The following C6orf89 variants were observed in gnomAD, a reference collection of about 807,000 sequenced individuals.
The protein encoded by C6orf89 is chromosome 6 open reading frame 89.
In C6orf89, 29 loss-of-function variants were observed where a neutral mutation model predicts 40.7. That is an observed-to-expected ratio of 0.71 (90% confidence interval 0.53 to 0.97). C6orf89 has a LOEUF of 0.97. C6orf89 is among the 50% of genes least tolerant of loss of function. The pLI, the probability that C6orf89 is intolerant of heterozygous loss-of-function variation, is 0.00. For synonymous variants in C6orf89, 165 were observed against 152.2 expected (o/e 1.08, Z -0.62); for missense variants, 392 against 429.1 (o/e 0.91, Z 0.76).
At position 36,925,006 on chromosome 6, in the gene C6orf89, A is replaced by T. The variant is rs1207437685; in HGVS notation, c.*1565A>T. ...AGAGTTCACAGAGCTCAGGATAGAA[A>T]CATCAGAGCCTCCTCCACGGGCTTC... On this transcript the variant is annotated 3_prime_UTR_variant, in exon 9 of 9. Transcript: ENST00000480824. 1.3e-5 allele frequency: 2 copies of T among 152,198 alleles called. No individual in the cohort carries two copies. The highest frequency in any genetic ancestry group is 4.8e-5 in the African/African-American group (2 of 41,432). The allele number at this position is 152,198 out of a possible 1,614,324, so 9.4% of individuals were successfully genotyped here.
At chr6:36,910,705 C>T (rs976110583) in intron 4 of C6orf89, among the ~76,000 whole-genome samples, 9 of 149,460 alleles carry the variant, frequency 6.0e-5, no homozygotes, top group Non-Finnish European at 1.0e-4. Flanking sequence ...CCAGCCTGGG[C>T]GACAGAGCAA....
At chr6:36,912,082 C>A (rs1762149197) in intron 4 of C6orf89, among the ~76,000 whole-genome samples, 1 of 152,208 alleles carries the variant, frequency 6.6e-6, no homozygotes, top group African/African-American at 2.4e-5. Context: ...AAGCCTCCAA[C>A]AGTTCCTCTT....
chr6:36,886,069 C>A, intron 1 of C6orf89, 41 bp downstream of exon 1: 1 of 1,121,204 alleles, frequency 8.9e-7, no homozygotes, highest in South Asian at 4.2e-5. Flanking sequence ...GGGAGGCCGC[C>A]CTGTGACAGC....
In C6orf89 at chr6:36,927,800, ATG is replaced by A. The variant is rs1478982849; in HGVS notation, c.*4363_*4364del. The stretch of plus-strand genomic sequence containing the variant: ...AAATGAAACACGGAAGCCTCCGGGA[ATG>A]TGTTTGTGTCACCAGCAGCAGGCAT... On this transcript the variant is annotated 3_prime_UTR_variant, in exon 9 of 9. Coordinates refer to ENST00000480824, the MANE Select transcript of C6orf89 (RefSeq NM_001286635.2). The A allele has an allele frequency of 6.6e-6, 1 of 152,336 alleles. No individual in the cohort carries two copies. Among genetic ancestry groups the A allele is most frequent in the Non-Finnish European group, 1.5e-5 (1 of 68,108 alleles). 9.4% of individuals were successfully genotyped at this position (152,336 alleles called of 1,614,324 possible). A position where few individuals can be genotyped will look rare whatever the true frequency, so the allele number is the denominator to read the frequency against.
intron 1 of C6orf89, among the ~76,000 whole-genome samples, chr6:36,890,749 G>C (rs1761174023): frequency 6.6e-6 from 1 of 152,088 alleles, no homozygotes; most frequent in Non-Finnish European, 1.5e-5. Context: ...ATGTTGGCCA[G>C]GCTGATCTCC....
At chr6:36,892,982 T>G (rs1165382215) in intron 1 of C6orf89, 2 of 152,304 alleles carry the variant, frequency 1.3e-5, no homozygotes, top group Non-Finnish European at 2.9e-5. Context: ...TCGCCCAGTC[T>G]GGAGTGCAGT....
At chr6:36,882,510 A>G (rs529825722), upstream of C6orf89, among the ~76,000 whole-genome samples, 35 of 152,326 alleles carry the variant, frequency 2.3e-4, no homozygotes, top group African/African-American at 8.2e-4. Flanking sequence ...TGAGTCCTTA[A>G]AGCTTTTGTT....
chr6:36,910,246 T>G (rs1303217861), intron 4 of C6orf89, among the ~76,000 whole-genome samples: 6 of 152,018 alleles, frequency 3.9e-5, no homozygotes, highest in Non-Finnish European at 5.9e-5. Context: ...AGTGCCACCA[T>G]GCCCAGCTCC....
In C6orf89 at chr6:36,916,512, C is replaced by T; in HGVS notation, c.763C>T (p.Pro255Ser). 3 of 1,614,184 alleles carry T rather than the reference C, an allele frequency of 1.9e-6. No individual in the cohort carries two copies. The highest frequency in any genetic ancestry group is 2.5e-6 in the Non-Finnish European group (3 of 1,180,028). The change falls in exon 7 of 9, where the codon CCA becomes TCA. Residue 255 changes from proline (P) to serine (S), a missense_variant. Physicochemically the swap from Pro to Ser is moderately conservative, Grantham distance 74. Transcript: ENST00000480824. ...TCCTGTTTTCACTCACCTGCCATTT[C>T]CAAAAGATGCCTCTTTAAACAAGTG... is the stretch of plus-strand genomic sequence containing the variant. ...LFPVFTHLPF[P>S]KDASLNKCSF...
At chr6:36,903,384 G>A (rs566054365) in intron 4 of C6orf89, among the ~76,000 whole-genome samples, 21 of 152,230 alleles carry the variant, frequency 1.4e-4, no homozygotes, top group Admixed American at 3.9e-4. Flanking sequence ...ACCATGATCC[G>A]AAACTTTTAG....
chr6:36,892,894 C>G (rs1225946014), intron 1 of C6orf89: 2 of 152,142 alleles, frequency 1.3e-5, no homozygotes, highest in Admixed American at 6.5e-5. Context: ...CGATTTCACT[C>G]AATCCTCTCA....
In C6orf89 at chr6:36,899,468, C is replaced by A; in HGVS notation, c.24C>A (p.Ile8=). The change falls in exon 3 of 9, where the codon ATC becomes ATA. Residue 8 remains isoleucine (I), a synonymous_variant. Transcript: ENST00000480824. The part of the protein sequence containing the change: MDLAANE[I]SIYDKLSETV... ...ACATGGATCTTGCTGCCAACGAGAT[C>A]AGCATTTATGACAAACTTTCAGAGA... 1 of 1,614,102 alleles carries A rather than the reference C, an allele frequency of 6.2e-7. No individual in the cohort carries two copies. The highest frequency in any genetic ancestry group is 8.5e-7 in the Non-Finnish European group (1 of 1,180,028).
intron 4 of C6orf89, among the ~76,000 whole-genome samples, chr6:36,912,553 A>C (rs1762164397): frequency 6.6e-6 from 1 of 152,178 alleles, no homozygotes; most frequent in African/African-American, 2.4e-5. Flanking sequence ...GAGAAGAAAA[A>C]ATGCAACTTT....
At chr6:36,918,967 C>A (rs754092821) in intron 7 of C6orf89, among the ~76,000 whole-genome samples, 1 of 152,178 alleles carries the variant, frequency 6.6e-6, no homozygotes, top group Non-Finnish European at 1.5e-5. Flanking sequence ...AGTTTTTAAT[C>A]GGTAGCATGG....
intron 3 of C6orf89, among the ~76,000 whole-genome samples, chr6:36,900,726 C>T (rs1003267688): frequency 4.6e-5 from 7 of 152,114 alleles, no homozygotes; most frequent in Non-Finnish European, 8.8e-5. Flanking sequence ...GTCTCGAACT[C>T]CTGGGCTCAA....
At chr6:36,919,152 A>C (rs1324819105) in intron 7 of C6orf89, among the ~76,000 whole-genome samples, 5 of 152,258 alleles carry the variant, frequency 3.3e-5, no homozygotes, top group African/African-American at 1.2e-4. Context: ...AGAATGTTGT[A>C]TACTTCAGCC....
upstream of C6orf89, among the ~76,000 whole-genome samples, chr6:36,883,650 T>A (rs1014126979): frequency 6.6e-6 from 1 of 152,218 alleles, no homozygotes; most frequent in African/African-American, 2.4e-5. Context: ...GTACATACAT[T>A]GCCTCATAAT....
intron 1 of C6orf89, among the ~76,000 whole-genome samples, chr6:36,890,899 C>T (rs748677876): frequency 7.2e-5 from 11 of 152,090 alleles, no homozygotes; most frequent in Non-Finnish European, 5.9e-5. Flanking sequence ...TCTTTTAAAT[C>T]GTATTAATCA....
Position 36,914,140 on chromosome 6 carries a change from A to T in C6orf89, c.404-144A>T, listed in dbSNP as rs527689611. ...GCACCACTGCACTCCAGCCTGGGCG[A>T]CAGAGTGAGACTCTGTCTCAAAATA... On this transcript the variant is annotated intron_variant, in intron 4 of 8. Transcript: ENST00000480824. 15 of 786,052 alleles carry T rather than the reference A, an allele frequency of 1.9e-5. No homozygotes were observed. The African/African-American group carries it at 2.1e-4, about 11-fold the overall frequency. The allele number at this position is 786,052 out of a possible 1,614,324, so 48.7% of individuals were successfully genotyped here.
Sources: allele counts gnomAD v4.1 joint callset (sites outside exome capture counted in the v4.1 genomes callset), GRCh38; gene constraint gnomAD v4.1.1; transcripts MANE v1.5; gene names NCBI Gene and HGNC (gene_info 2026-07-23, HGNC 2026-07-21).